RUFY2: variants seen among roughly 807,000 people sequenced by gnomAD.
The protein encoded by RUFY2 is RUN and FYVE domain-containing protein 2.
In RUFY2, 49 loss-of-function variants were observed where a neutral mutation model predicts 94.4. That is an observed-to-expected ratio of 0.52 (90% CI 0.41 to 0.66). RUFY2 has a LOEUF of 0.66. Ranked by LOEUF, RUFY2 falls within the 30% of genes least tolerant of loss-of-function variation. The pLI, the probability that RUFY2 is intolerant of heterozygous loss-of-function variation, is 0.00. For synonymous variants in RUFY2, 255 were observed against 235.7 expected, an observed-to-expected ratio of 1.08 and a Z score of -0.75; for missense variants, 541 against 692.8, an observed-to-expected ratio of 0.78 and a Z score of 2.46.
chr10:68,368,960 C>A (rs573974858), intron 13 of RUFY2, among the ~76,000 whole-genome samples: 1 of 152,242 alleles, frequency 6.6e-6, no homozygotes, highest in Non-Finnish European at 1.5e-5. Flanking sequence ...AAAACCCATG[C>A]CCCCGCAACA....
intron 8 of RUFY2, among the ~76,000 whole-genome samples, chr10:68,385,259 A>G (rs1208039690): frequency 2.0e-5 from 3 of 151,418 alleles, no homozygotes; most frequent in Admixed American, 6.6e-5. Context: ...GCAAGACTCC[A>G]TCTCAAAAAA....
intron 3 of RUFY2, among the ~76,000 whole-genome samples, chr10:68,400,127 A>G (rs1457401055): frequency 6.6e-6 from 1 of 151,974 alleles, no homozygotes; most frequent in South Asian, 2.1e-4. Context: ...CCTGGTCAAT[A>G]TGGCAAAACC....
chr10:68,400,750 C>T (rs548100263), intron 3 of RUFY2, among the ~76,000 whole-genome samples: 37 of 151,312 alleles, frequency 2.4e-4, no homozygotes, highest in African/African-American at 8.5e-4. Flanking sequence ...CGGTGGCTCA[C>T]GCCTGTAATC....
At chr10:68,402,677 C>T (rs1283131245) in intron 2 of RUFY2, among the ~76,000 whole-genome samples, 1 of 151,208 alleles carries the variant, frequency 6.6e-6, no homozygotes, top group Admixed American at 6.6e-5. Context: ...AGATGCACTC[C>T]TGATTTTTTG....
intron 7 of RUFY2, among the ~76,000 whole-genome samples, chr10:68,391,269 T>C (rs2049964163): frequency 6.6e-6 from 1 of 152,084 alleles, no homozygotes; most frequent in Admixed American, 6.6e-5. Context: ...GTTGGAAGAA[T>C]ATTTGGGGAA....
intron 2 of RUFY2, among the ~76,000 whole-genome samples, chr10:68,403,140 C>T (rs1367696059): frequency 6.7e-6 from 1 of 150,222 alleles, no homozygotes; most frequent in Non-Finnish European, 1.5e-5. Flanking sequence ...GCCATCGCAC[C>T]CAGCCACTTT....
intron 16 of RUFY2, among the ~76,000 whole-genome samples, chr10:68,348,343 A>C (rs1175523110): frequency 7.2e-6 from 1 of 139,052 alleles, no homozygotes; most frequent in Non-Finnish European, 1.5e-5. Flanking sequence ...CCATCTCTAC[A>C]AAAAAAAATA....
intron 16 of RUFY2, among the ~76,000 whole-genome samples, chr10:68,348,979 A>G (rs1026591604): frequency 1.4e-5 from 2 of 140,360 alleles, no homozygotes; most frequent in Non-Finnish European, 3.2e-5. Context: ...TACACCCCCT[A>G]GATAGGATAC....
intron 7 of RUFY2, among the ~76,000 whole-genome samples, chr10:68,390,336 C>G (rs1171951488): frequency 6.6e-6 from 1 of 152,006 alleles, no homozygotes; most frequent in Non-Finnish European, 1.5e-5. Context: ...GAGTAGTACT[C>G]AGAAAATATA....
chr10:68,343,370 A>G (rs2046083952), downstream of RUFY2: 1 of 152,494 alleles, frequency 6.6e-6, no homozygotes, highest in Admixed American at 6.6e-5. Context: ...CACTTCCTTT[A>G]ATGAGCAATT....
At chr10:68,352,278 T>G (rs1309174949) in intron 16 of RUFY2, among the ~76,000 whole-genome samples, 1 of 152,130 alleles carries the variant, frequency 6.6e-6, no homozygotes, top group Non-Finnish European at 1.5e-5. Flanking sequence ...GTGTAAATTC[T>G]TACAACCTCT....
At chr10:68,382,180 G>A in intron 10 of RUFY2, among the ~76,000 whole-genome samples, 1 of 151,200 alleles carries the variant, frequency 6.6e-6, no homozygotes, top group South Asian at 2.1e-4. Context: ...TCCCGAGTAG[G>A]TGGGACCACA....
In RUFY2 at chr10:68,404,736, GAATCC is replaced by G; in HGVS notation, c.108_112del (p.Leu36PhefsTer2). 1 of 1,613,330 alleles carries G rather than the reference GAATCC, an allele frequency of 6.2e-7. No individual in the cohort carries two copies. Among genetic ancestry groups the G allele is most frequent in the Non-Finnish European group, 8.5e-7 (1 of 1,179,706 alleles). ...GAATTGCTGCAAGGGGGGATAGTCA[GAATCC>G]AAAGTGCGGCCAAAGCTCAGAGCAG... On this transcript the variant is annotated frameshift_variant, in exon 2 of 18. Transcript: ENST00000602465. LOFTEE classifies it high-confidence loss of function.
chr10:68,374,535 A>G (rs1299623351), intron 13 of RUFY2, among the ~76,000 whole-genome samples: 1 of 152,174 alleles, frequency 6.6e-6, no homozygotes, highest in Admixed American at 6.6e-5. Flanking sequence ...CAAAAACAGA[A>G]TTGAAAAAAT....
intron 11 of RUFY2, among the ~76,000 whole-genome samples, chr10:68,380,760 GCTGA>G (rs766795730): frequency 6.6e-6 from 1 of 152,072 alleles, no homozygotes; most frequent in East Asian, 1.9e-4. Flanking sequence ...TACTAGGGAG[GCTGA>G]GGCAGGAGAA....
In RUFY2 at chr10:68,362,300, C is replaced by G. The variant is rs562728414; in HGVS notation, c.1550+1290G>C. On this transcript the variant is annotated intron_variant, in intron 15 of 17. Coordinates refer to ENST00000602465, the MANE Select transcript of RUFY2 (RefSeq NM_001330103.2). Reference sequence around the variant, plus strand: ...CTGTGCCTGCGTCACTGTTCTCCAGCCTGGGCAACTTGAGAGCAAGACCTT... The same window carrying G: ...CTGTGCCTGCGTCACTGTTCTCCAGGCTGGGCAACTTGAGAGCAAGACCTT... 3.3e-5 allele frequency among the ~76,000 whole-genome samples: 5 copies of G among 152,198 alleles called. No individual in the cohort carries two copies. In the East Asian group the frequency reaches 9.6e-4, roughly 29 times the overall value.
chr10:68,386,419 G>C (rs918591019), intron 7 of RUFY2, among the ~76,000 whole-genome samples: 1 of 152,036 alleles, frequency 6.6e-6, no homozygotes, highest in African/African-American at 2.4e-5. Flanking sequence ...GCACGATCTC[G>C]GCTCACTGCA....
At chr10:68,394,303 T>TTTGG (rs1427510736) in intron 5 of RUFY2, 25 bp downstream of exon 5, 2 of 1,613,534 alleles carry the variant, frequency 1.2e-6, no homozygotes, top group East Asian at 4.5e-5. Flanking sequence ...ACACTCTGCA[T>TTTGG]TTGGCACTAG....
chr10:68,390,868 G>A (rs1015208414), intron 7 of RUFY2, among the ~76,000 whole-genome samples: 2 of 151,754 alleles, frequency 1.3e-5, no homozygotes, highest in Non-Finnish European at 2.9e-5. Context: ...CTGGGCTCAA[G>A]AGATCTTCTT....
Sources: gnomAD v4.1 joint callset for allele counts (sites outside exome capture counted in the v4.1 genomes callset) on GRCh38, gnomAD v4.1.1 for gene constraint, MANE v1.5 for transcripts, NCBI Gene and HGNC (gene_info 2026-07-23, HGNC 2026-07-21) for gene names.